The following KHDRBS2 variants were observed in gnomAD, a reference collection of about 807,000 sequenced individuals.
KHDRBS2 encodes the protein KH domain-containing, RNA-binding, signal transduction-associated protein 2.
In KHDRBS2, 26 loss-of-function variants were observed where a neutral mutation model predicts 44.3. The ratio of observed to expected loss-of-function variants is 0.59; its 90% CI spans 0.43 to 0.81. The LOEUF (loss-of-function observed/expected upper bound fraction) is 0.81. Among genes scored for constraint, KHDRBS2 ranks in the 40% least tolerant of loss-of-function variants. The pLI, the probability that KHDRBS2 is intolerant of heterozygous loss-of-function variation, is 0.00. For synonymous variants in KHDRBS2, 194 were observed against 151.1 expected, an observed-to-expected ratio of 1.28 and a Z score of -2.08; for missense variants, 476 against 433.1, an observed-to-expected ratio of 1.10 and a Z score of -0.88.
At chr6:61,859,554 G>T (rs1444187623) in intron 6 of KHDRBS2, among the ~76,000 whole-genome samples, 2 of 151,714 alleles carry the variant, frequency 1.3e-5, no homozygotes, top group Non-Finnish European at 2.9e-5. Context: ...AAATAAAACA[G>T]TTGCTTACAG....
chr6:61,761,103 T>C lies in KHDRBS2; in HGVS notation c.811-28339A>G, dbSNP rs568992606. ...GATGAGCTTCATATGCTATAGGGAA[T>C]AGCTATTTCTGTTGTCTTTTAGGTA... is the stretch of plus-strand genomic sequence containing the variant. On this transcript the variant is annotated intron_variant, in intron 6 of 8. Coordinates refer to ENST00000281156, the MANE Select transcript of KHDRBS2 (RefSeq NM_152688.4). 6.6e-5 allele frequency among the ~76,000 whole-genome samples: 10 copies of C among 152,338 alleles called. No individual in the cohort carries two copies. In the South Asian group the frequency reaches 1.9e-3, roughly 28 times the overall value.
At chr6:62,034,877 A>T (rs956511964) in intron 3 of KHDRBS2, among the ~76,000 whole-genome samples, 2 of 151,974 alleles carry the variant, frequency 1.3e-5, no homozygotes, top group African/African-American at 4.8e-5. Flanking sequence ...AAACGAATAT[A>T]TGAAAAGGTG....
chr6:61,823,174 T>C (rs1790253956), intron 6 of KHDRBS2, among the ~76,000 whole-genome samples: 1 of 152,010 alleles, frequency 6.6e-6, no homozygotes, highest in South Asian at 2.1e-4. Flanking sequence ...GAGAATGCTT[T>C]AATATTCCAC....
the KHDRBS2 span, among the ~76,000 whole-genome samples, chr6:61,593,794 T>C: frequency 6.6e-6 from 1 of 152,088 alleles, no homozygotes; most frequent in African/African-American, 2.4e-5. Flanking sequence ...CCTCAAAATA[T>C]CTTGAGTTTC....
intron 1 of KHDRBS2, among the ~76,000 whole-genome samples, chr6:62,253,654 G>A (rs1234491097): frequency 2.6e-5 from 4 of 151,952 alleles, no homozygotes; most frequent in East Asian, 1.9e-4. Context: ...AGAGGAAGAA[G>A]AAATTCCTAT....
intron 1 of KHDRBS2, among the ~76,000 whole-genome samples, chr6:62,277,490 C>T (rs1841132961): frequency 1.3e-5 from 2 of 151,946 alleles, no homozygotes; most frequent in Non-Finnish European, 2.9e-5. Context: ...TACAGGCGCC[C>T]GCCACCACGC....
At chr6:62,270,825 A>G (rs1413216664) in intron 1 of KHDRBS2, among the ~76,000 whole-genome samples, 1 of 152,100 alleles carries the variant, frequency 6.6e-6, no homozygotes, top group Non-Finnish European at 1.5e-5. Context: ...GACCTATGAG[A>G]TCGTTGGTAA....
the KHDRBS2 span, among the ~76,000 whole-genome samples, chr6:61,616,649 GC>G: frequency 6.6e-6 from 1 of 151,972 alleles, no homozygotes; most frequent in South Asian, 2.1e-4. Context: ...TACATATATT[GC>G]ACATGTAGTG....
intron 3 of KHDRBS2, among the ~76,000 whole-genome samples, chr6:62,016,260 T>C (rs1395933930): frequency 6.6e-6 from 1 of 152,066 alleles, no homozygotes; most frequent in Non-Finnish European, 1.5e-5. Context: ...TTTCATCACA[T>C]GTAATAATTT....
intron 3 of KHDRBS2, among the ~76,000 whole-genome samples, chr6:62,045,787 T>C (rs193075604): frequency 1.3e-5 from 2 of 151,938 alleles, no homozygotes; most frequent in South Asian, 2.1e-4. Context: ...AGAGGCAAAA[T>C]AACAGCATCA....
chr6:62,181,410 T>C (rs1175730120), intron 1 of KHDRBS2, among the ~76,000 whole-genome samples: 1 of 151,932 alleles, frequency 6.6e-6, no homozygotes, highest in Non-Finnish European at 1.5e-5. Flanking sequence ...TCTCCAAAGA[T>C]GATATGCAAA....
chr6:61,789,308 G>T (rs1454585751), intron 6 of KHDRBS2, among the ~76,000 whole-genome samples: 1 of 151,398 alleles, frequency 6.6e-6, no homozygotes, highest in Non-Finnish European at 1.5e-5. Flanking sequence ...AAGTAAAGTA[G>T]TAGGAGAAAA....
At chr6:61,919,086 C>G (rs1807552481) in intron 4 of KHDRBS2, among the ~76,000 whole-genome samples, 1 of 151,798 alleles carries the variant, frequency 6.6e-6, no homozygotes, top group South Asian at 2.1e-4. Context: ...TCTAGGTAAC[C>G]ACATACCATC....
intron 6 of KHDRBS2, among the ~76,000 whole-genome samples, chr6:61,881,160 C>A (rs1388191307): frequency 6.6e-6 from 1 of 151,862 alleles, no homozygotes; most frequent in Non-Finnish European, 1.5e-5. Flanking sequence ...AAATCCTGAA[C>A]CTCAGATCCA....
intron 3 of KHDRBS2, among the ~76,000 whole-genome samples, chr6:62,016,955 A>G (rs1781321678): frequency 6.6e-6 from 1 of 152,204 alleles, no homozygotes; most frequent in Non-Finnish European, 1.5e-5. Context: ...AAAAATATTC[A>G]GCAAATCAAA....
At chr6:61,955,408 ACG>A (rs1360518546) in intron 4 of KHDRBS2, among the ~76,000 whole-genome samples, 3 of 4,430 alleles carry the variant, frequency 6.8e-4, no homozygotes, top group African/African-American at 4.9e-3. Context: ...GTATACATAT[ACG>A]TGTATATATA....
intron 2 of KHDRBS2, among the ~76,000 whole-genome samples, chr6:62,136,403 TTCTC>T (rs991706584): frequency 6.6e-6 from 1 of 152,186 alleles, no homozygotes; most frequent in Admixed American, 6.5e-5. Context: ...CACTAATTGA[TTCTC>T]AATCAGGTGA....
intron 1 of KHDRBS2, among the ~76,000 whole-genome samples, chr6:62,272,602 G>T (rs535720168): frequency 1.3e-5 from 2 of 152,140 alleles, no homozygotes; most frequent in East Asian, 3.9e-4. Flanking sequence ...TCTGTATTGA[G>T]TATTGGAGGA....
intron 6 of KHDRBS2, among the ~76,000 whole-genome samples, chr6:61,748,581 T>C (rs1425924181): frequency 6.6e-6 from 1 of 152,228 alleles, no homozygotes; most frequent in Middle Eastern, 3.2e-3. Context: ...TTAATAAACA[T>C]TTTTATATAT....
Sources: allele counts gnomAD v4.1 joint callset (sites outside exome capture counted in the v4.1 genomes callset), GRCh38; gene constraint gnomAD v4.1.1; transcripts MANE v1.5; gene names NCBI Gene and HGNC (gene_info 2026-07-23, HGNC 2026-07-21).